Variants in PODXL observed in about 807,000 individuals in gnomAD.
PODXL encodes the protein podocalyxin like, also known as podocalyxin.
In PODXL, 20 loss-of-function variants were observed where a neutral mutation model predicts 48.9. The observed-to-expected ratio is 0.41, with a 90% CI of 0.29 to 0.59. PODXL has a LOEUF of 0.59. Among genes scored for constraint, PODXL ranks in the 20% least tolerant of loss-of-function variants. The pLI, the probability that PODXL is intolerant of heterozygous loss-of-function variation, is 0.31. For missense variants in PODXL, 606 were observed against 675.1 expected (o/e 0.90, Z 1.13); for synonymous variants, 295 against 287.4 (o/e 1.03, Z -0.27).
chr7:131,504,365 A>C lies in PODXL; in HGVS notation c.1623T>G (p.Pro541=). Residue 541 remains proline (P), a synonymous_variant, in exon 9 of 9, where the codon CCT becomes CCG. Transcript: ENST00000378555. ...GGTCGTCCTTGGTCAGGTTGTCCAG[A>C]GGGACGATCCAGCTGTCCCCCAGCT... ...NGELGDSWIV[P]LDNLTKDDLD... The C allele has an allele frequency of 1.3e-5, 21 of 1,614,154 alleles. No homozygotes were observed. The highest frequency in any genetic ancestry group is 1.8e-5 in the Non-Finnish European group (21 of 1,180,012).
chr7:131,532,503 G>A (rs1046566132), intron 1 of PODXL, among the ~76,000 whole-genome samples: 1 of 102,840 alleles, frequency 9.7e-6, no homozygotes, highest in Non-Finnish European at 2.0e-5. Context: ...ATTTTTACTT[G>A]TATATCTTTT....
chr7:131,514,415 A>G (rs901035907), intron 1 of PODXL, among the ~76,000 whole-genome samples: 1 of 151,994 alleles, frequency 6.6e-6, no homozygotes, highest in African/African-American at 2.4e-5. Flanking sequence ...ACAGTCTCCA[A>G]AAAAAAGTGG....
chr7:131,513,235 A>C (rs1244613593), intron 1 of PODXL, among the ~76,000 whole-genome samples: 1 of 152,178 alleles, frequency 6.6e-6, no homozygotes, highest in Non-Finnish European at 1.5e-5. Context: ...GGAGGCAATC[A>C]CAGTAATCCA....
intron 1 of PODXL, among the ~76,000 whole-genome samples, chr7:131,522,726 C>T (rs910504706): frequency 6.6e-6 from 1 of 152,248 alleles, no homozygotes. Context: ...CTCACCTATT[C>T]TAGAGAGTTC....
rs115708320 is a variant in PODXL, at chr7:131,512,270, G to A, written c.101-837C>T. Among the ~76,000 whole-genome samples, 495 of 152,234 alleles carry A rather than the reference G, an allele frequency of 3.3e-3. 3 individuals carry two copies. Among genetic ancestry groups the A allele is most frequent in the African/African-American group, 0.01 (419 of 41,540 alleles). ...AATGGTGAACACGACACAGAGAGTCGTACCCTCAAGAAGCTAACACTCTGG... is the reference window on the plus strand; with the variant it reads ...AATGGTGAACACGACACAGAGAGTCATACCCTCAAGAAGCTAACACTCTGG... On this transcript the variant is annotated intron_variant, in intron 1 of 8. Transcript: ENST00000378555.
At chr7:131,518,802 C>T (rs1211444029) in intron 1 of PODXL, among the ~76,000 whole-genome samples, 3 of 152,182 alleles carry the variant, frequency 2.0e-5, no homozygotes, top group Non-Finnish European at 4.4e-5. Flanking sequence ...AGGTCCAGAA[C>T]GGGCCGCCCT....
Position 131,510,656 on chromosome 7 carries a change from G to A in PODXL, c.706+172C>T, listed in dbSNP as rs184467704. ...CCAGCTAATGTTTGTATTTTTAGTA[G>A]AGACAGGGTTTCGCCATGTTGGCCA... On this transcript the variant is annotated intron_variant, in intron 2 of 8. Coordinates refer to ENST00000378555, the MANE Select transcript of PODXL (RefSeq NM_001018111.3). Among the ~76,000 whole-genome samples, 951 of 152,162 alleles carry A rather than the reference G, an allele frequency of 6.2e-3. 16 individuals carry two copies. The highest frequency in any genetic ancestry group is 0.021 in the African/African-American group (891 of 41,542).
chr7:131,512,226 T>C (rs1204310401), intron 1 of PODXL, among the ~76,000 whole-genome samples: 2 of 152,180 alleles, frequency 1.3e-5, no homozygotes, highest in Non-Finnish European at 2.9e-5. Context: ...ATAGGATCTG[T>C]GTCAGGCAAT....
chr7:131,536,377 C>A (rs930729297), intron 1 of PODXL, among the ~76,000 whole-genome samples: 3 of 152,146 alleles, frequency 2.0e-5, no homozygotes, highest in African/African-American at 7.2e-5. Context: ...CTGGTATTGC[C>A]ACCCCTCAGT....
At chr7:131,505,373 G>A (rs1025447646) in intron 8 of PODXL, among the ~76,000 whole-genome samples, 3 of 152,188 alleles carry the variant, frequency 2.0e-5, no homozygotes, top group East Asian at 3.9e-4. Context: ...CAGTCCAGGC[G>A]TGGTGACTCA....
intron 1 of PODXL, among the ~76,000 whole-genome samples, chr7:131,539,798 C>T (rs1465291771): frequency 2.0e-5 from 3 of 152,158 alleles, no homozygotes; most frequent in Non-Finnish European, 4.4e-5. Flanking sequence ...CTGGTACACT[C>T]GGGGCAGCTC....
chr7:131,513,491 C>A (rs1254977091), intron 1 of PODXL, among the ~76,000 whole-genome samples: 1 of 152,224 alleles, frequency 6.6e-6, no homozygotes, highest in Admixed American at 6.5e-5. Context: ...GAGTTCCGCA[C>A]CCCGTGAGAC....
At chr7:131,535,535 T>C (rs1039220041) in intron 1 of PODXL, among the ~76,000 whole-genome samples, 1 of 152,188 alleles carries the variant, frequency 6.6e-6, no homozygotes, top group Non-Finnish European at 1.5e-5. Flanking sequence ...GGTCACACAC[T>C]TTTTCCATAA....
At chr7:131,524,708 T>A (rs1798153045) in intron 1 of PODXL, among the ~76,000 whole-genome samples, 1 of 152,148 alleles carries the variant, frequency 6.6e-6, no homozygotes, top group South Asian at 2.1e-4. Flanking sequence ...TATTTTAAAG[T>A]GAAGCAAACA....
chr7:131,520,200 C>T (rs1798070355), intron 1 of PODXL: 4 of 346,866 alleles, frequency 1.2e-5, no homozygotes, highest in South Asian at 2.8e-5. Flanking sequence ...GGTGGTGACC[C>T]GAGAATGCAC....
In PODXL at chr7:131,510,831, G is replaced by GGGT; in HGVS notation, c.700_702dup (p.Thr234dup). On this transcript the variant is annotated inframe_insertion, in exon 2 of 9. Transcript: ENST00000378555. ...AAGAAAACCAGGCATTACTTACGTA[G>GGGT]GGTGGTGGTCATCCCCGGGCTTGTG... The GGGT allele has an allele frequency of 6.2e-7, 1 of 1,614,128 alleles. No homozygotes were observed. Among genetic ancestry groups the GGGT allele is most frequent in the Non-Finnish European group, 8.5e-7 (1 of 1,180,022 alleles).
chr7:131,522,905 C>T (rs945941306), intron 1 of PODXL, among the ~76,000 whole-genome samples: 1 of 152,202 alleles, frequency 6.6e-6, no homozygotes, highest in African/African-American at 2.4e-5. Context: ...TATGGAGCTT[C>T]CATTTTTGCT....
chr7:131,512,611 A>ATG (rs1231960341), intron 1 of PODXL, among the ~76,000 whole-genome samples: 1 of 152,138 alleles, frequency 6.6e-6, no homozygotes, highest in Non-Finnish European at 1.5e-5. Flanking sequence ...GGCTGAGAAA[A>ATG]TGCAGGGTCT....
At chr7:131,529,951 G>A (rs1195504981) in intron 1 of PODXL, among the ~76,000 whole-genome samples, 9 of 32,830 alleles carry the variant, frequency 2.7e-4, no homozygotes, top group Non-Finnish European at 9.6e-4. Flanking sequence ...GGGTATAGGC[G>A]GGAGGGCTTG....
Sources: allele counts gnomAD v4.1 joint callset (sites outside exome capture counted in the v4.1 genomes callset), GRCh38; gene constraint gnomAD v4.1.1; transcripts MANE v1.5; gene names NCBI Gene and HGNC (gene_info 2026-07-23, HGNC 2026-07-21).